The following SLC16A6 variants were observed in gnomAD, a reference collection of about 807,000 sequenced individuals.
SLC16A6 encodes solute carrier family 16 member 6, also known as monocarboxylate transporter 7.
A neutral mutation model predicts 33.8 loss-of-function variants in SLC16A6; 15 were observed. That is an observed-to-expected ratio of 0.44 (90% CI 0.30 to 0.68). The LOEUF (loss-of-function observed/expected upper bound fraction) is 0.68, where lower values mean the gene tolerates loss of function less well. Ranked by LOEUF, SLC16A6 falls within the 30% of genes least tolerant of loss-of-function variation. The probability of loss-of-function intolerance (pLI) is 0.10; values close to 1 mark genes in which losing one functional copy is unlikely to be tolerated. For synonymous variants in SLC16A6, 219 were observed against 248.4 expected (o/e 0.88, Z 1.11); for missense variants, 451 against 661.5 (o/e 0.68, Z 3.49).
At chr17:68,290,327 G>T (rs184799063) in intron 1 of SLC16A6, among the ~76,000 whole-genome samples, 1 of 152,148 alleles carries the variant, frequency 6.6e-6, no homozygotes, top group Non-Finnish European at 1.5e-5. Context: ...AGGGTGGGGG[G>T]AATAAAAAGA....
chr17:68,273,926 C>A lies in SLC16A6; in HGVS notation c.376+1G>T, dbSNP rs1555749965. On this transcript the variant is annotated splice_donor_variant, in intron 3 of 5. Transcript: ENST00000580666. LOFTEE classifies it high-confidence loss of function. ...CTTCTGAGCCAAAGAGGAACACTTA[C>A]CAGAGATGATGCCGATGGCGACGTA... 6.2e-7 allele frequency: 1 copy of A among 1,613,980 alleles called. No individual in the cohort carries two copies. The highest frequency in any genetic ancestry group is 2.2e-5 in the East Asian group (1 of 44,880).
At chr17:68,288,001 T>C (rs2075881607) in intron 1 of SLC16A6, among the ~76,000 whole-genome samples, 1 of 150,288 alleles carries the variant, frequency 6.7e-6, no homozygotes, top group Non-Finnish European at 1.5e-5. Flanking sequence ...TTTTTTTTTT[T>C]TTTTTGGGGG....
rs782018661 is a variant in SLC16A6, at chr17:68,278,336, AAAAGTT to A, written c.-7-15_-7-10del. 2 of 1,582,802 alleles carry A rather than the reference AAAAGTT, an allele frequency of 1.3e-6. No individual in the cohort carries two copies. Among genetic ancestry groups the A allele is most frequent in the Admixed American group, 1.7e-5 (1 of 59,298 alleles). ...TTTGGGTCATTCTTAATCTGAAAGA[AAAAGTT>A]AAAAGCAATTCAGATCAGCAATAGC... is the stretch of plus-strand genomic sequence containing the variant. On this transcript the variant is annotated splice_polypyrimidine_tract_variant and intron_variant, in intron 1 of 5. Transcript: ENST00000580666.
chr17:68,290,990 C>G (rs2075965893), intron 1 of SLC16A6, 96 bp downstream of exon 1: 1 of 152,040 alleles, frequency 6.6e-6, no homozygotes, highest in African/African-American at 2.4e-5. Flanking sequence ...TCCTCCGCCT[C>G]CCATCACAAA....
chr17:68,278,650 C>T (rs1158899725), intron 1 of SLC16A6, among the ~76,000 whole-genome samples: 1 of 133,506 alleles, frequency 7.5e-6, no homozygotes, highest in Non-Finnish European at 1.6e-5. Flanking sequence ...GACAGAGTCT[C>T]ACTCTGTTGC....
In SLC16A6 at chr17:68,271,596, T is replaced by G; in HGVS notation, c.564A>C (p.Leu188=). 1 of 1,614,134 alleles carries G rather than the reference T, an allele frequency of 6.2e-7. No individual in the cohort carries two copies. The highest frequency in any genetic ancestry group is 8.5e-7 in the Non-Finnish European group (1 of 1,179,972). ...GWRYSLLFVG[L]LQLNIVIFGA... ...CGAAGATGACAATGTTTAACTGTAGTAGGCCCACGAAGAGGAGGCTGTATC... is the reference window on the plus strand; with the variant it reads ...CGAAGATGACAATGTTTAACTGTAGGAGGCCCACGAAGAGGAGGCTGTATC... The change falls in exon 5 of 6, where the codon CTA becomes CTC. Residue 188 remains leucine (L), a synonymous_variant. Transcript: ENST00000580666. This position sits in a 1 kb window ranked among gnomAD's most constrained non-coding sequence, Gnocchi z 5.3.
intron 1 of SLC16A6, among the ~76,000 whole-genome samples, chr17:68,288,304 C>T (rs1161311824): frequency 3.9e-5 from 6 of 152,114 alleles, no homozygotes; most frequent in Admixed American, 3.9e-4. Context: ...CCGGCCTTCT[C>T]CTTTTCTTTT....
At chr17:68,281,707 C>T (rs1479956496) in intron 1 of SLC16A6, among the ~76,000 whole-genome samples, 10 of 152,150 alleles carry the variant, frequency 6.6e-5, no homozygotes, top group Admixed American at 5.9e-4. Context: ...ATCAAAACCA[C>T]AGTGAGGTAT....
Position 68,268,019 on chromosome 17 carries a change from C to CA in SLC16A6, c.*1076dup, listed in dbSNP as rs1568400246. 1 of 152,104 alleles carries CA rather than the reference C, an allele frequency of 6.6e-6. No homozygotes were observed. 9.4% of individuals were successfully genotyped at this position (152,104 alleles called of 1,614,324 possible). A position where few individuals can be genotyped will look rare whatever the true frequency, so the allele number is the denominator to read the frequency against. ...CCTCAAGTATTCTTAAATGATAAAA[C>CA]AAATTAGTTTTGAAAGCTAAGGCGA... is the stretch of plus-strand genomic sequence containing the variant. On this transcript the variant is annotated 3_prime_UTR_variant, in exon 6 of 6. Coordinates refer to ENST00000580666, the MANE Select transcript of SLC16A6 (RefSeq NM_004694.5).
chr17:68,275,070 G>A (rs1268903405), intron 2 of SLC16A6, among the ~76,000 whole-genome samples: 4 of 152,172 alleles, frequency 2.6e-5, no homozygotes, highest in African/African-American at 9.7e-5. Context: ...GTGAGCCACC[G>A]CGCCCAGCCT....
intron 1 of SLC16A6, chr17:68,283,006 C>T (rs1043995335): frequency 6.6e-6 from 1 of 152,218 alleles, no homozygotes; most frequent in Admixed American, 6.6e-5. Flanking sequence ...CCTGTAGTCC[C>T]AGCCACTTGG....
Position 68,273,806 on chromosome 17 carries a change from T to C in SLC16A6, c.376+121A>G, listed in dbSNP as rs2075421248. On this transcript the variant is annotated intron_variant, in intron 3 of 5. Coordinates refer to ENST00000580666, the MANE Select transcript of SLC16A6 (RefSeq NM_004694.5). ...TCAAAACTACTGATCTGAGACACTG[T>C]TAATGTTAAAGAAAAAAAGAAAGAG... The C allele has an allele frequency of 4.9e-6, 6 of 1,219,890 alleles. 1 individual carries two copies. In the South Asian group the frequency reaches 8.7e-5, roughly 18 times the overall value. 75.6% of individuals were successfully genotyped at this position (1,219,890 alleles called of 1,614,324 possible). A position where few individuals can be genotyped will look rare whatever the true frequency, so the allele number is the denominator to read the frequency against.
intron 1 of SLC16A6, among the ~76,000 whole-genome samples, chr17:68,282,525 G>A (rs1422881467): frequency 2.0e-5 from 3 of 151,640 alleles, no homozygotes; most frequent in South Asian, 2.1e-4. Flanking sequence ...AGGACCAGGC[G>A]CAGTGGCTCA....
chr17:68,275,844 G>A (rs557774278), intron 2 of SLC16A6, among the ~76,000 whole-genome samples: 19 of 151,874 alleles, frequency 1.3e-4, no homozygotes, highest in African/African-American at 3.9e-4. Flanking sequence ...TTAGCCAGGC[G>A]TGGTGGCAGG....
At position 68,271,146 on chromosome 17, in the gene SLC16A6, A is replaced by G. The variant is rs1555748441; in HGVS notation, c.1014T>C (p.Ile338=). The G allele has an allele frequency of 6.2e-7, 1 of 1,614,168 alleles. No homozygotes were observed. The highest frequency in any genetic ancestry group is 1.1e-5 in the South Asian group (1 of 91,082). Residue 338 remains isoleucine (I), a synonymous_variant, in exon 5 of 6, where the codon ATT becomes ATC. Coordinates refer to ENST00000580666, the MANE Select transcript of SLC16A6 (RefSeq NM_004694.5). The surrounding 1 kb of genome is among the most constrained non-coding windows in gnomAD (Gnocchi z 5.3). Reference sequence around the variant, plus strand: ...CTCCGATCCTTCCGAAAACTTCTGCAATGGCCATCGTAGATAATAAAAAAG... The same window carrying G: ...CTCCGATCCTTCCGAAAACTTCTGCGATGGCCATCGTAGATAATAAAAAAG... ...RAAFLLSTMA[I]AEVFGRIGAG... is the part of the protein sequence containing the mutation.
chr17:68,290,314 G>C (rs1193595494), intron 1 of SLC16A6, among the ~76,000 whole-genome samples: 1 of 152,190 alleles, frequency 6.6e-6, no homozygotes, highest in Non-Finnish European at 1.5e-5. Context: ...GACCTGTCTT[G>C]CTAGGGTGGG....
chr17:68,274,198 G>T, intron 2 of SLC16A6, 128 bp from the exon 3 acceptor site: 1 of 966,634 alleles, frequency 1.0e-6, no homozygotes, highest in Non-Finnish European at 1.5e-6. Flanking sequence ...GAGCGCAGTG[G>T]CTCATGCCTG....
rs781847076 is a variant in SLC16A6 at position 68,271,548 on chromosome 17, A to G, written c.612T>C (p.Phe204=). The G allele has an allele frequency of 7.4e-6, 12 of 1,614,114 alleles. No individual in the cohort carries two copies. The highest frequency in any genetic ancestry group is 6.7e-5 in the African/African-American group (5 of 74,940). The change falls in exon 5 of 6, where the codon TTT becomes TTC. Residue 204 remains phenylalanine (F), a synonymous_variant. Coordinates refer to ENST00000580666, the MANE Select transcript of SLC16A6 (RefSeq NM_004694.5). This position sits in a 1 kb window ranked among gnomAD's most constrained non-coding sequence, Gnocchi z 5.3. The part of the protein sequence containing the change: ...VIFGALLRPI[F]IRGPASPKIV... ...TTTTCGGTGACGCTGGTCCTCTGAT[A>G]AAGATGGGTCTGAGCAGTGCTCCGA...
chr17:68,282,408 C>T (rs1410826474), intron 1 of SLC16A6, among the ~76,000 whole-genome samples: 20 of 151,572 alleles, frequency 1.3e-4, no homozygotes, highest in Admixed American at 1.3e-3. Flanking sequence ...TGTTAAATGA[C>T]GAGTTAATGG....
Sources: gnomAD v4.1 joint callset for allele counts (sites outside exome capture counted in the v4.1 genomes callset) on GRCh38, gnomAD v4.1.1 for gene constraint, Gnocchi (gnomAD v3.1) non-coding constraint, MANE v1.5 for transcripts, NCBI Gene and HGNC (gene_info 2026-07-23, HGNC 2026-07-21) for gene names.